Variants in UTRN observed in about 807,000 individuals in gnomAD.
The protein encoded by UTRN is dystrophin-related protein 1.
In UTRN, 283 loss-of-function variants were observed where a neutral mutation model predicts 463.9. The observed-to-expected ratio is 0.61, with a 90% CI of 0.55 to 0.67. The LOEUF (loss-of-function observed/expected upper bound fraction) is 0.67. Among genes scored for constraint, UTRN ranks in the 30% least tolerant of loss-of-function variants. The pLI, the probability that UTRN is intolerant of heterozygous loss-of-function variation, is 0.00. For synonymous variants in UTRN, 1,442 were observed against 1,431.5 expected, an observed-to-expected ratio of 1.01 and a Z score of -0.17; for missense variants, 3,922 against 4,084.3, an observed-to-expected ratio of 0.96 and a Z score of 1.08.
chr6:144,657,206 C>T (rs916423934), intron 51 of UTRN, among the ~76,000 whole-genome samples: 6 of 144,740 alleles, frequency 4.1e-5, no homozygotes, highest in Non-Finnish European at 7.5e-5. Context: ...GCTGAGATCG[C>T]GCCATTGCAC....
At chr6:144,551,226 CTT>C (rs1798887871) in intron 48 of UTRN, 144 bp downstream of exon 48, 1 of 546,046 alleles carries the variant, frequency 1.8e-6, no homozygotes, top group African/African-American at 1.9e-5. Flanking sequence ...ATTTGTTACT[CTT>C]TATTTATACA....
At chr6:144,488,917 C>G in intron 30 of UTRN, 83 bp downstream of exon 30, 1 of 1,295,154 alleles carries the variant, frequency 7.7e-7, no homozygotes, top group Admixed American at 3.2e-5. Context: ...ACCCCTCCTG[C>G]TCTCCAAAAC....
intron 2 of UTRN, among the ~76,000 whole-genome samples, chr6:144,329,450 A>C (rs1408416316): frequency 6.6e-6 from 1 of 152,202 alleles, no homozygotes; most frequent in East Asian, 1.9e-4. Flanking sequence ...AAAATACTGA[A>C]AAAGTCTGTG....
At chr6:144,586,502 T>C (rs1008044454) in intron 51 of UTRN, among the ~76,000 whole-genome samples, 3 of 152,170 alleles carry the variant, frequency 2.0e-5, no homozygotes, top group Non-Finnish European at 2.9e-5. Context: ...TATAAAATAA[T>C]TTTTCTTTTA....
chr6:144,682,957 C>CTCTCGG (rs1782362152), intron 52 of UTRN, among the ~76,000 whole-genome samples: 1 of 152,096 alleles, frequency 6.6e-6, no homozygotes, highest in South Asian at 2.1e-4. Flanking sequence ...CTATGTTTTT[C>CTCTCGG]TCTCGGTCGG....
rs778957113 is a variant in UTRN, at chr6:144,493,456, G to A, written c.4593G>A (p.Gln1531=). Residue 1531 remains glutamine (Q), a splice_region_variant and synonymous_variant, in exon 33 of 75, where the codon CAG becomes CAA. Coordinates refer to ENST00000367545, the MANE Select transcript of UTRN (RefSeq NM_007124.3). ...TTCTTTACAATGACCTGGGCGCACA[G>A]GTGAGGAGAGCAGCCCCACAGCTCA... ...LKVLYNDLGA[Q]VTEGKQDLER... 7 of 1,613,046 alleles carry A rather than the reference G, an allele frequency of 4.3e-6. No individual in the cohort carries two copies. The East Asian group carries it at 1.3e-4, about 31-fold the overall frequency.
chr6:144,537,375 C>T lies in UTRN; in HGVS notation c.6234-207C>T, dbSNP rs557252505. 1.3e-4 allele frequency among the ~76,000 whole-genome samples: 19 copies of T among 151,728 alleles called. 1 individual carries two copies. The South Asian group carries it at 3.7e-3, about 30-fold the overall frequency. On this transcript the variant is annotated intron_variant, in intron 43 of 74. Transcript: ENST00000367545. ...TTAGTTTCAATGTTTTTGAATTTAA[C>T]TAAGGAAAAAAGCTTCTTGGTCTAT...
intron 63 of UTRN, among the ~76,000 whole-genome samples, chr6:144,797,336 A>G (rs966303734): frequency 9.9e-5 from 15 of 151,936 alleles, no homozygotes; most frequent in Admixed American, 9.8e-4. Flanking sequence ...CTACAGGTGC[A>G]CGCCACAAGG....
Position 144,490,985 on chromosome 6 carries a change from C to T in UTRN, c.4320C>T (p.Phe1440=), listed in dbSNP as rs569844356. 27 of 1,612,258 alleles carry T rather than the reference C, an allele frequency of 1.7e-5. No homozygotes were observed. In the East Asian group the frequency reaches 2.5e-4, roughly 15 times the overall value. ...KFQLFQKPAN[F]EQRMLDCKRV... is the part of the protein sequence containing the mutation. Reference sequence around the variant, plus strand: ...AGCTTTTCCAGAAGCCAGCTAACTTCGAGCAGCGCATGCTGGACTGCAAGC... The same window carrying T: ...AGCTTTTCCAGAAGCCAGCTAACTTTGAGCAGCGCATGCTGGACTGCAAGC... The change falls in exon 32 of 75, where the codon TTC becomes TTT. Residue 1440 remains phenylalanine (F), a synonymous_variant. Coordinates refer to ENST00000367545, the MANE Select transcript of UTRN (RefSeq NM_007124.3).
At chr6:144,690,015 G>A (rs530936841) in intron 52 of UTRN, among the ~76,000 whole-genome samples, 275 of 150,742 alleles carry the variant, frequency 1.8e-3, no homozygotes, top group Non-Finnish European at 2.8e-3. Context: ...ATGTTACCCA[G>A]GGGAGGTACT....
rs1776552437 is a variant in UTRN at position 144,789,210 on chromosome 6, A to G, written c.8851A>G (p.Ile2951Val). ...TAATTTTAGGGGTCGAACTGGAAAAATTAGAGTGCAGAGTCTGAAGATTGG... is the reference window on the plus strand; with the variant it reads ...TAATTTTAGGGGTCGAACTGGAAAAGTTAGAGTGCAGAGTCTGAAGATTGG... ...NVYDTGRTGK[I>V]RVQSLKIGLM... Residue 2951 changes from isoleucine to valine, a missense_variant, in exon 62 of 75, where the codon ATT (isoleucine) becomes GTT (valine). Physicochemically the swap from Ile to Val is conservative, Grantham distance 29. Transcript: ENST00000367545. 1.2e-6 allele frequency: 2 copies of G among 1,613,220 alleles called. No individual in the cohort carries two copies. Among genetic ancestry groups the G allele is most frequent in the Non-Finnish European group, 1.7e-6 (2 of 1,179,678 alleles).
chr6:144,574,118 G>C (rs1341125139), intron 50 of UTRN, among the ~76,000 whole-genome samples: 3 of 152,148 alleles, frequency 2.0e-5, no homozygotes, highest in Non-Finnish European at 4.4e-5. Context: ...ACAATATTAA[G>C]AATATTCTAG....
chr6:144,582,299 G>A (rs926746437), intron 51 of UTRN, among the ~76,000 whole-genome samples: 1 of 152,204 alleles, frequency 6.6e-6, no homozygotes, highest in African/African-American at 2.4e-5. Flanking sequence ...TTACCAGTTT[G>A]AGCAGGACAC....
intron 51 of UTRN, among the ~76,000 whole-genome samples, chr6:144,584,637 C>A (rs1433966027): frequency 6.6e-6 from 1 of 151,516 alleles, no homozygotes; most frequent in Non-Finnish European, 1.5e-5. Flanking sequence ...ACTGTAATTT[C>A]TTACAATTTG....
chr6:144,372,212 A>G (rs1780051917), intron 2 of UTRN, among the ~76,000 whole-genome samples: 1 of 152,230 alleles, frequency 6.6e-6, no homozygotes, highest in Non-Finnish European at 1.5e-5. Context: ...TTGCTATAGC[A>G]TCTAATGAGC....
chr6:144,573,578 C>T (rs1342823658), intron 50 of UTRN, among the ~76,000 whole-genome samples: 3 of 151,490 alleles, frequency 2.0e-5, no homozygotes, highest in Admixed American at 2.0e-4. Context: ...CGCCAATAAT[C>T]CCAACTACTT....
chr6:144,483,839 C>T (rs576602583), intron 27 of UTRN, among the ~76,000 whole-genome samples: 16 of 152,354 alleles, frequency 1.1e-4, no homozygotes, highest in South Asian at 2.1e-4. Flanking sequence ...TTGTACAACA[C>T]ATACCCCCCT....
At chr6:144,643,913 A>AT (rs1269278024) in intron 51 of UTRN, among the ~76,000 whole-genome samples, 5 of 152,192 alleles carry the variant, frequency 3.3e-5, no homozygotes, top group Admixed American at 6.5e-5. Flanking sequence ...TACCTGCACA[A>AT]TTGAGTTCAT....
intron 19 of UTRN, among the ~76,000 whole-genome samples, chr6:144,456,868 C>CAA (rs1788887170): frequency 3.3e-5 from 5 of 151,898 alleles, no homozygotes; most frequent in Non-Finnish European, 5.9e-5. Flanking sequence ...AGCATATAAG[C>CAA]CCAGGAAGTT....
Sources: gnomAD v4.1 joint callset for allele counts (sites outside exome capture counted in the v4.1 genomes callset) on GRCh38, gnomAD v4.1.1 for gene constraint, MANE v1.5 for transcripts, NCBI Gene and HGNC (gene_info 2026-07-23, HGNC 2026-07-21) for gene names.